Variants in TGFBR3 observed in about 807,000 individuals in gnomAD.
The protein encoded by TGFBR3 is transforming growth factor beta receptor 3.
In TGFBR3, 46 loss-of-function variants were observed where a neutral mutation model predicts 87.9. The observed-to-expected ratio is 0.52, with a 90% CI of 0.41 to 0.67. The LOEUF (loss-of-function observed/expected upper bound fraction) is 0.67. Ranked by LOEUF, TGFBR3 falls within the 30% of genes least tolerant of loss-of-function variation. TGFBR3 has a pLI of 0.00. For missense variants in TGFBR3, 866 were observed against 1,041.9 expected, an observed-to-expected ratio of 0.83 and a Z score of 2.32; for synonymous variants, 381 against 391.6, an observed-to-expected ratio of 0.97 and a Z score of 0.32.
intron 14 of TGFBR3, 152 bp downstream of exon 14, chr1:91,708,511 A>G (rs766054653): frequency 1.2e-5 from 14 of 1,165,572 alleles, no homozygotes; most frequent in Non-Finnish European, 1.8e-5. Flanking sequence ...CAGCTAAAGA[A>G]AAGACTCTTC....
intron 1 of TGFBR3, among the ~76,000 whole-genome samples, chr1:91,885,441 G>T (rs574751002): frequency 1.3e-5 from 2 of 152,058 alleles, no homozygotes; most frequent in Non-Finnish European, 2.9e-5. Flanking sequence ...CGCAAACCGC[G>T]TCCGTGCACG....
chr1:91,763,923 C>T lies in TGFBR3; in HGVS notation c.247-5173G>A, dbSNP rs138403172. Among the ~76,000 whole-genome samples, 1,111 of 152,256 alleles carry T rather than the reference C, an allele frequency of 7.3e-3. 7 individuals carry two copies. The highest frequency in any genetic ancestry group is 0.012 in the Non-Finnish European group (794 of 68,004). On this transcript the variant is annotated intron_variant, in intron 3 of 16. Coordinates refer to ENST00000212355, the MANE Select transcript of TGFBR3 (RefSeq NM_003243.5). ...TTATTCACCATTGCTTGTCCTTCAC[C>T]ATTTGGGAATTGGCATAAAAAGATT...
rs564545221 is a variant in TGFBR3 at position 91,862,225 on chromosome 1, C to A, written c.-113-581G>T. Among the ~76,000 whole-genome samples the A allele has an allele frequency of 3.3e-5, 5 of 152,150 alleles. No individual in the cohort carries two copies. In the East Asian group the frequency reaches 5.8e-4, roughly 18 times the overall value. On this transcript the variant is annotated intron_variant, in intron 1 of 16. Transcript: ENST00000212355. The stretch of plus-strand genomic sequence containing the variant: ...ACTACAGAAGAAAATCAAGGTGCAC[C>A]TGAAATATAACACCACCAGTTAAGT...
chr1:91,795,226 C>A (rs927933488), intron 3 of TGFBR3, among the ~76,000 whole-genome samples: 1 of 152,172 alleles, frequency 6.6e-6, no homozygotes, highest in Non-Finnish European at 1.5e-5. Flanking sequence ...CTTAAAGGTC[C>A]GTCTGTTGTC....
intron 2 of TGFBR3, among the ~76,000 whole-genome samples, chr1:91,824,174 T>A (rs968126296): frequency 6.6e-6 from 1 of 152,178 alleles, no homozygotes; most frequent in Non-Finnish European, 1.5e-5. Flanking sequence ...TTAATCTATA[T>A]AAATTATACT....
chr1:91,859,457 T>G (rs1453158856), intron 2 of TGFBR3, among the ~76,000 whole-genome samples: 1 of 151,966 alleles, frequency 6.6e-6, no homozygotes, highest in Non-Finnish European at 1.5e-5. Flanking sequence ...TCTACTACTT[T>G]TCGATGAGAT....
intron 2 of TGFBR3, among the ~76,000 whole-genome samples, chr1:91,825,424 C>T (rs1571547895): frequency 6.6e-6 from 1 of 152,266 alleles, no homozygotes; most frequent in Admixed American, 6.5e-5. Flanking sequence ...TACAGAATGT[C>T]CAGAATAGGC....
chr1:91,885,739 C>T (rs1307100450), intron 1 of TGFBR3, 139 bp downstream of exon 1: 3 of 186,388 alleles, frequency 1.6e-5, no homozygotes, highest in African/African-American at 4.8e-5. Context: ...CTCCCAAGGC[C>T]GGAGGTCCTG....
intron 4 of TGFBR3, among the ~76,000 whole-genome samples, chr1:91,750,000 A>C (rs1255626630): frequency 1.3e-5 from 2 of 152,160 alleles, no homozygotes; most frequent in East Asian, 3.8e-4. Context: ...GCCTTAAAAG[A>C]CGTTATGGGA....
intron 4 of TGFBR3, among the ~76,000 whole-genome samples, chr1:91,757,336 C>T (rs1369718843): frequency 3.3e-5 from 5 of 152,190 alleles, no homozygotes; most frequent in Admixed American, 6.5e-5. Context: ...AGGCACACAG[C>T]GTCCATCTGC....
intron 2 of TGFBR3, among the ~76,000 whole-genome samples, chr1:91,843,920 C>T (rs1677381767): frequency 6.6e-6 from 1 of 152,224 alleles, no homozygotes; most frequent in Non-Finnish European, 1.5e-5. Flanking sequence ...TACCCACATT[C>T]AGAGGGTAAA....
intron 3 of TGFBR3, among the ~76,000 whole-genome samples, chr1:91,782,986 G>C (rs931199211): frequency 3.3e-5 from 5 of 152,218 alleles, no homozygotes; most frequent in African/African-American, 1.2e-4. Flanking sequence ...TCACCGACTT[G>C]CTGGAGCAAA....
chr1:91,686,405 G>A (rs1259249356), intron 16 of TGFBR3, among the ~76,000 whole-genome samples: 1 of 152,140 alleles, frequency 6.6e-6, no homozygotes, highest in Non-Finnish European at 1.5e-5. Context: ...TCACCAGCTG[G>A]ATAAGTCAAG....
chr1:91,817,908 G>A (rs1571540906), intron 2 of TGFBR3, among the ~76,000 whole-genome samples: 1 of 148,856 alleles, frequency 6.7e-6, no homozygotes, highest in East Asian at 2.0e-4. Context: ...CAATATACTT[G>A]ATAATTCACA....
intron 3 of TGFBR3, among the ~76,000 whole-genome samples, chr1:91,762,186 A>G (rs996949757): frequency 6.6e-5 from 10 of 152,190 alleles, no homozygotes; most frequent in African/African-American, 2.2e-4. Context: ...GCTTCTTTGT[A>G]AATCTTTGGG....
intron 3 of TGFBR3, among the ~76,000 whole-genome samples, chr1:91,787,055 C>T (rs1674996713): frequency 6.6e-6 from 1 of 152,168 alleles, no homozygotes; most frequent in South Asian, 2.1e-4. Flanking sequence ...ATAATCCCCG[C>T]ACTTTGGGAG....
chr1:91,728,468 A>G (rs1672625388), intron 6 of TGFBR3, among the ~76,000 whole-genome samples: 1 of 152,228 alleles, frequency 6.6e-6, no homozygotes. Flanking sequence ...ATTGATGAAC[A>G]CAACCCAAAC....
At chr1:91,711,491 T>C (rs1199211175) in intron 13 of TGFBR3, among the ~76,000 whole-genome samples, 1 of 152,222 alleles carries the variant, frequency 6.6e-6, no homozygotes, top group Non-Finnish European at 1.5e-5. Context: ...CATTGATATA[T>C]GACTGCGAAA....
chr1:91,742,487 G>C (rs1258437223), intron 4 of TGFBR3, among the ~76,000 whole-genome samples: 1 of 152,148 alleles, frequency 6.6e-6, no homozygotes, highest in East Asian at 1.9e-4. Flanking sequence ...ATGAGCTTTT[G>C]GCCAAGCTTT....
Sources: gnomAD v4.1 joint callset for allele counts (sites outside exome capture counted in the v4.1 genomes callset) on GRCh38, gnomAD v4.1.1 for gene constraint, MANE v1.5 for transcripts, NCBI Gene and HGNC (gene_info 2026-07-23, HGNC 2026-07-21) for gene names.